The following ABLIM1 variants were observed in gnomAD, a reference collection of about 807,000 sequenced individuals.
The protein encoded by ABLIM1 is actin-binding LIM protein 1.
ABLIM1 carries 40 observed loss-of-function variants against 107.0 expected under a neutral mutation model. The ratio of observed to expected loss-of-function variants is 0.37; its 90% confidence interval spans 0.29 to 0.49. ABLIM1 has a LOEUF of 0.49. Among genes scored for constraint, ABLIM1 ranks in the 20% least tolerant of loss-of-function variants. The pLI is 0.97. For missense variants in ABLIM1, 857 were observed against 1,008.5 expected (o/e 0.85, Z 2.04); for synonymous variants, 357 against 357.3 (o/e 1.00, Z 0.01).
chr10:114,717,522 C>T (rs2081698791), intron 1 of ABLIM1, among the ~76,000 whole-genome samples: 1 of 152,144 alleles, frequency 6.6e-6, no homozygotes, highest in Non-Finnish European at 1.5e-5. Flanking sequence ...AGTAGCACCC[C>T]TCTCCCAGTT....
At chr10:114,487,761 AT>A (rs1474664176) in intron 8 of ABLIM1, among the ~76,000 whole-genome samples, 196 bp downstream of exon 8, 2 of 152,204 alleles carry the variant, frequency 1.3e-5, no homozygotes, top group Admixed American at 6.5e-5. Flanking sequence ...TAACACAAGC[AT>A]TTGGAATAAA....
At chr10:114,784,665 C>CAA in the ABLIM1 span, among the ~76,000 whole-genome samples, 17 of 87,966 alleles carry the variant, frequency 1.9e-4, no homozygotes, top group Admixed American at 4.6e-4. Flanking sequence ...AGACTCACCT[C>CAA]AAAAAAAAAA....
chr10:114,690,734 T>G (rs2081058009), intron 1 of ABLIM1: 2 of 374,448 alleles, frequency 5.3e-6, no homozygotes, highest in South Asian at 7.8e-5. Flanking sequence ...CAAGCTGGAG[T>G]GCAGTGGTGC....
At chr10:114,710,538 C>T (rs1180520296) in intron 1 of ABLIM1, among the ~76,000 whole-genome samples, 1 of 152,204 alleles carries the variant, frequency 6.6e-6, no homozygotes, top group Non-Finnish European at 1.5e-5. Context: ...GTTCCTCCCA[C>T]AACATGTGCA....
At chr10:114,644,322 T>TATATGTATATATTGTATATATAC (rs2078911494) in intron 1 of ABLIM1, among the ~76,000 whole-genome samples, 5 of 119,276 alleles carry the variant, frequency 4.2e-5, no homozygotes, top group African/African-American at 1.5e-4. Context: ...TATATATATA[T>TATATGTATATATTGTATATATAC]ATATATATGT....
At position 114,707,992 on chromosome 10, in the gene ABLIM1, G is replaced by A. The variant is rs2081461820; in HGVS notation, c.-213+60069C>T. 1.3e-5 allele frequency among the ~76,000 whole-genome samples: 2 copies of A among 152,168 alleles called. No individual in the cohort carries two copies. The highest frequency in any genetic ancestry group is 1.3e-4 in the Admixed American group (2 of 15,280). ...GTACTAAGCCTTTATGCTAACCGCTGTTTTTCAAAGCCTGTCCTGGTGGCA... is the reference window on the plus strand; with the variant it reads ...GTACTAAGCCTTTATGCTAACCGCTATTTTTCAAAGCCTGTCCTGGTGGCA... On this transcript the variant is annotated intron_variant, in intron 1 of 15. Transcript: ENST00000651092. The surrounding 1 kb of genome is among the most constrained non-coding windows in gnomAD (Gnocchi z 4.1).
chr10:114,546,998 C>T (rs2067433087), intron 5 of ABLIM1, among the ~76,000 whole-genome samples: 1 of 151,694 alleles, frequency 6.6e-6, no homozygotes, highest in Non-Finnish European at 1.5e-5. Context: ...TGCTATGTTG[C>T]TCAGGCTGGT....
At chr10:114,522,552 G>A (rs2063908728) in intron 6 of ABLIM1, among the ~76,000 whole-genome samples, 1 of 152,148 alleles carries the variant, frequency 6.6e-6, no homozygotes, top group South Asian at 2.1e-4. Context: ...ACAGAACCAA[G>A]ACAATCTAGT....
At chr10:114,680,969 G>A (rs1233992813) in intron 1 of ABLIM1, among the ~76,000 whole-genome samples, 1 of 152,102 alleles carries the variant, frequency 6.6e-6, no homozygotes, top group Non-Finnish European at 1.5e-5. Context: ...TGACTCACCA[G>A]GAGACCCTCC....
chr10:114,682,875 A>T (rs957484078), intron 1 of ABLIM1, among the ~76,000 whole-genome samples: 1 of 152,218 alleles, frequency 6.6e-6, no homozygotes, highest in African/African-American at 2.4e-5. Flanking sequence ...GATTTCTTCC[A>T]AAACCTGCCC....
chr10:114,571,610 T>G (rs1461003055), intron 3 of ABLIM1, among the ~76,000 whole-genome samples: 1 of 152,128 alleles, frequency 6.6e-6, no homozygotes, highest in African/African-American at 2.4e-5. Context: ...GAAAGGGGAA[T>G]GTACTGGTTC....
intron 1 of ABLIM1, among the ~76,000 whole-genome samples, chr10:114,757,793 A>G (rs2082663931): frequency 1.3e-5 from 2 of 152,142 alleles, no homozygotes; most frequent in African/African-American, 4.8e-5. Flanking sequence ...CTCTGCTCAG[A>G]ACTTTCACCT....
At chr10:114,618,102 T>C (rs1175251948) in intron 1 of ABLIM1, among the ~76,000 whole-genome samples, 2 of 152,224 alleles carry the variant, frequency 1.3e-5, no homozygotes, top group African/African-American at 4.8e-5. Flanking sequence ...ACTCAGTCAT[T>C]AGCTACTGAC....
Position 114,727,874 on chromosome 10 carries a change from G to T in ABLIM1, c.-213+40187C>A, listed in dbSNP as rs147987485. Reference sequence around the variant, plus strand: ...GGAAGTCAAGGCTACAGTGAGCCATGATCATGCCACATTGCACTCCAGCCT... The same window carrying T: ...GGAAGTCAAGGCTACAGTGAGCCATTATCATGCCACATTGCACTCCAGCCT... On this transcript the variant is annotated intron_variant, in intron 1 of 15. Coordinates refer to the ABLIM1 transcript ENST00000651092. Among the ~76,000 whole-genome samples, 526 of 152,196 alleles carry T rather than the reference G, an allele frequency of 3.5e-3. 1 individual carries two copies. Among genetic ancestry groups the T allele is most frequent in the Middle Eastern group, 6.8e-3 (2 of 294 alleles).
At chr10:114,746,511 T>C (rs1440749963) in intron 1 of ABLIM1, among the ~76,000 whole-genome samples, 10 of 152,248 alleles carry the variant, frequency 6.6e-5, no homozygotes, top group Admixed American at 4.6e-4. Context: ...GTTGATTCCA[T>C]AACTTGGCTA....
chr10:114,773,878 T>C, the ABLIM1 span, among the ~76,000 whole-genome samples: 1 of 150,276 alleles, frequency 6.7e-6, no homozygotes, highest in Non-Finnish European at 1.5e-5. Flanking sequence ...TATAAATATA[T>C]TTATGTAGAG....
chr10:114,555,147 T>C (rs2068567261), intron 4 of ABLIM1, among the ~76,000 whole-genome samples: 1 of 152,170 alleles, frequency 6.6e-6, no homozygotes, highest in South Asian at 2.1e-4. Flanking sequence ...GGGAAGGCAT[T>C]TTAGATTCTC....
intron 1 of ABLIM1, among the ~76,000 whole-genome samples, chr10:114,711,874 C>T (rs2081555770): frequency 6.6e-6 from 1 of 152,118 alleles, no homozygotes; most frequent in South Asian, 2.1e-4. Context: ...GCTAAGTGCC[C>T]CCCGCACCAA....
At chr10:114,797,482 C>T in the ABLIM1 span, among the ~76,000 whole-genome samples, 1 of 152,212 alleles carries the variant, frequency 6.6e-6, no homozygotes, top group African/African-American at 2.4e-5. Context: ...AGCACTCTTA[C>T]ACACACTTAG....
Sources: gnomAD v4.1 joint callset for allele counts (sites outside exome capture counted in the v4.1 genomes callset) on GRCh38, gnomAD v4.1.1 for gene constraint, Gnocchi (gnomAD v3.1) non-coding constraint, MANE v1.5 for transcripts, NCBI Gene and HGNC (gene_info 2026-07-23, HGNC 2026-07-21) for gene names.